AOAH: variants seen among roughly 807,000 people sequenced by gnomAD.
AOAH encodes the protein acyloxyacyl hydrolase.
Under a neutral mutation model 92.2 loss-of-function variants are expected in AOAH, and 64 were observed. The ratio of observed to expected loss-of-function variants is 0.69; its 90% CI spans 0.57 to 0.86. The LOEUF (loss-of-function observed/expected upper bound fraction) is 0.86, where lower values mean the gene tolerates loss of function less well. Among genes scored for constraint, AOAH ranks in the 40% least tolerant of loss-of-function variants. The pLI is 0.00. For missense variants in AOAH, 656 were observed against 694.6 expected, an observed-to-expected ratio of 0.94 and a Z score of 0.62; for synonymous variants, 263 against 254.5, an observed-to-expected ratio of 1.03 and a Z score of -0.32.
chr7:36,557,604 T>C (rs1230720636), intron 13 of AOAH, among the ~76,000 whole-genome samples: 25 of 152,272 alleles, frequency 1.6e-4, no homozygotes, highest in Admixed American at 3.9e-4. Context: ...CCATTCTCCC[T>C]GTCACTTTCA....
At chr7:36,722,935 GAAAA>G (rs11407908) in intron 1 of AOAH, among the ~76,000 whole-genome samples, 122 of 49,498 alleles carry the variant, frequency 2.5e-3, no homozygotes, top group African/African-American at 9.2e-3. Flanking sequence ...ATCCATCTCA[GAAAA>G]AAAAAAAAAA....
intron 7 of AOAH, among the ~76,000 whole-genome samples, chr7:36,622,775 G>A (rs1381454691): frequency 1.3e-5 from 2 of 152,322 alleles, no homozygotes; most frequent in Middle Eastern, 3.4e-3. Flanking sequence ...GCTGGCTGTG[G>A]TGGCTCATGC....
At chr7:36,696,570 TA>T (rs1222981919) in intron 1 of AOAH, among the ~76,000 whole-genome samples, 36 of 152,074 alleles carry the variant, frequency 2.4e-4, no homozygotes, top group African/African-American at 8.7e-4. Context: ...CTAATATAAA[TA>T]AAAAATCAAG....
At position 36,540,362 on chromosome 7, in the gene AOAH, TC is replaced by T; in HGVS notation, c.1262del (p.Gly421GlufsTer18). On this transcript the variant is annotated frameshift_variant, in exon 16 of 21. Transcript: ENST00000617537. LOFTEE classifies it high-confidence loss of function. Reference protein sequence around the residue: ...SHVILYGLPDGTFLWDNLHNR... With the variant: ...SHVILYGLPDXTFLWDNLHNR... ...TGTGCAAATTATCCCAGAGAAAGGT[TC>T]CATCTGGTAAGCCATACAAAATAAC... is the stretch of plus-strand genomic sequence containing the variant. 1 of 1,613,898 alleles carries T rather than the reference TC, an allele frequency of 6.2e-7. No homozygotes were observed.
At chr7:36,715,683 T>A (rs1324742635) in intron 1 of AOAH, among the ~76,000 whole-genome samples, 2 of 141,858 alleles carry the variant, frequency 1.4e-5, no homozygotes, top group Non-Finnish European at 3.1e-5. Flanking sequence ...TATCTACAAC[T>A]ATCTGATCTT....
chr7:36,707,932 G>C (rs2116939024), intron 1 of AOAH, among the ~76,000 whole-genome samples: 1 of 151,960 alleles, frequency 6.6e-6, no homozygotes, highest in East Asian at 1.9e-4. Context: ...CTCTGGAGTA[G>C]CTGGTTACAT....
chr7:36,669,121 G>A (rs952588066), intron 3 of AOAH, among the ~76,000 whole-genome samples: 2 of 152,192 alleles, frequency 1.3e-5, no homozygotes, highest in African/African-American at 2.4e-5. Context: ...AACAGAGCCT[G>A]TGGCAGGGTT....
intron 1 of AOAH, among the ~76,000 whole-genome samples, chr7:36,692,630 A>G (rs1797472778): frequency 6.6e-6 from 1 of 152,172 alleles, no homozygotes; most frequent in Non-Finnish European, 1.5e-5. Flanking sequence ...CTGTGTTAAG[A>G]GACATAAGGT....
intron 4 of AOAH, among the ~76,000 whole-genome samples, chr7:36,655,711 T>C (rs1056022028): frequency 6.6e-6 from 1 of 152,072 alleles, no homozygotes; most frequent in Non-Finnish European, 1.5e-5. Flanking sequence ...GGGATGCAAA[T>C]GAGAAGCTAG....
At chr7:36,556,235 T>C (rs943636012) in intron 13 of AOAH, among the ~76,000 whole-genome samples, 1 of 152,228 alleles carries the variant, frequency 6.6e-6, no homozygotes, top group African/African-American at 2.4e-5. Flanking sequence ...CTTCATTTCG[T>C]TATGTACCCA....
chr7:36,588,827 A>G (rs562841723), intron 12 of AOAH, among the ~76,000 whole-genome samples: 2 of 152,184 alleles, frequency 1.3e-5, no homozygotes, highest in African/African-American at 2.4e-5. Context: ...ACTTATAACA[A>G]TGGCTTTGTC....
At chr7:36,651,183 C>G (rs939187811) in intron 4 of AOAH, among the ~76,000 whole-genome samples, 2 of 152,244 alleles carry the variant, frequency 1.3e-5, no homozygotes, top group Non-Finnish European at 2.9e-5. Flanking sequence ...CTCTTCCTCA[C>G]TGTTTGTCTA....
intron 1 of AOAH, among the ~76,000 whole-genome samples, chr7:36,704,441 G>A (rs1457257841): frequency 6.6e-6 from 1 of 152,096 alleles, no homozygotes; most frequent in African/African-American, 2.4e-5. Flanking sequence ...ACTAAACCAG[G>A]AAGAAGTCAA....
intron 16 of AOAH, among the ~76,000 whole-genome samples, chr7:36,536,380 C>T (rs1014971128): frequency 6.6e-6 from 1 of 151,764 alleles, no homozygotes; most frequent in Non-Finnish European, 1.5e-5. Flanking sequence ...CTTCCCCCTA[C>T]TTTTTTTTTC....
intron 4 of AOAH, among the ~76,000 whole-genome samples, chr7:36,640,311 T>C (rs1793814023): frequency 7.3e-6 from 1 of 136,480 alleles, no homozygotes; most frequent in Non-Finnish European, 1.6e-5. Flanking sequence ...TGCTGGAAAT[T>C]GGGGATGGGT....
At chr7:36,723,378 C>T (rs1298371698) in intron 1 of AOAH, among the ~76,000 whole-genome samples, 1 of 152,178 alleles carries the variant, frequency 6.6e-6, no homozygotes, top group Non-Finnish European at 1.5e-5. Flanking sequence ...TAAAACACTT[C>T]ATTAACAGAT....
At chr7:36,715,754 G>A (rs1332519929) in intron 1 of AOAH, among the ~76,000 whole-genome samples, 1 of 148,196 alleles carries the variant, frequency 6.7e-6, no homozygotes, top group Admixed American at 6.7e-5. Context: ...AATGGTGCTG[G>A]GAAAACTGGC....
intron 1 of AOAH, among the ~76,000 whole-genome samples, chr7:36,696,672 T>C (rs142736600): frequency 0.017 from 2,597 of 152,044 alleles, 82 homozygotes; most frequent in African/African-American, 0.06. Flanking sequence ...CCAGCCTGGC[T>C]AACATGGTGA....
chr7:36,701,960 C>G (rs781615537), intron 1 of AOAH, among the ~76,000 whole-genome samples: 1 of 151,966 alleles, frequency 6.6e-6, no homozygotes, highest in Non-Finnish European at 1.5e-5. Context: ...CCAGTGGTTA[C>G]TGAGATTACA....
Sources: gnomAD v4.1 joint callset for allele counts (sites outside exome capture counted in the v4.1 genomes callset) on GRCh38, gnomAD v4.1.1 for gene constraint, MANE v1.5 for transcripts, NCBI Gene and HGNC (gene_info 2026-07-23, HGNC 2026-07-21) for gene names.